The following LPCAT2 variants were observed in gnomAD, a reference collection of about 807,000 sequenced individuals.
LPCAT2 encodes the protein 1-AGP acyltransferase 11.
In LPCAT2, 58 loss-of-function variants were observed where a neutral mutation model predicts 64.7. That is an observed-to-expected ratio of 0.90 (90% confidence interval 0.73 to 1.12). The LOEUF is 1.12. LPCAT2 is among the 50% of genes most tolerant of loss of function. LPCAT2 has a pLI of 0.00. For missense variants in LPCAT2, 579 were observed against 669.8 expected (o/e 0.86, Z 1.50); for synonymous variants, 252 against 245.3 (o/e 1.03, Z -0.26).
chr16:55,536,082 T>C (rs1195463389), intron 7 of LPCAT2, among the ~76,000 whole-genome samples: 2 of 152,196 alleles, frequency 1.3e-5, no homozygotes, highest in Non-Finnish European at 2.9e-5. Context: ...GTTCAATCTA[T>C]TGCAAATCTC....
At chr16:55,521,996 A>G (rs1963103314) in intron 1 of LPCAT2, among the ~76,000 whole-genome samples, 1 of 142,830 alleles carries the variant, frequency 7.0e-6, no homozygotes, top group African/African-American at 2.5e-5. Context: ...TAGCCAGTGC[A>G]ATAAGATAAG....
At chr16:55,567,622 A>G (rs1343777296) in intron 11 of LPCAT2, 4 of 988,640 alleles carry the variant, frequency 4.0e-6, no homozygotes, top group African/African-American at 3.3e-5. Context: ...CTCTTTCACA[A>G]CCCTACATAT....
At chr16:55,549,461 C>A (rs982125523) in intron 10 of LPCAT2, 59 bp downstream of exon 10, 6 of 1,456,438 alleles carry the variant, frequency 4.1e-6, no homozygotes, top group Non-Finnish European at 5.5e-6. Context: ...GATCTGAAAT[C>A]CTGTTTATTT....
At chr16:55,521,031 C>T (rs1034018712) in intron 1 of LPCAT2, among the ~76,000 whole-genome samples, 3 of 151,574 alleles carry the variant, frequency 2.0e-5, no homozygotes, top group Non-Finnish European at 4.4e-5. Context: ...AAACAAACCA[C>T]ATAGAAAATT....
At chr16:55,582,628 A>T (rs1283782388) in intron 13 of LPCAT2, among the ~76,000 whole-genome samples, 1 of 152,136 alleles carries the variant, frequency 6.6e-6, no homozygotes, top group Non-Finnish European at 1.5e-5. Context: ...GTTGCTGTGA[A>T]CATTCTCATA....
chr16:55,579,907 T>G (rs2142426145), intron 13 of LPCAT2, among the ~76,000 whole-genome samples: 1 of 152,334 alleles, frequency 6.6e-6, no homozygotes, highest in East Asian at 1.9e-4. Context: ...GTCTTTTCTC[T>G]TGATGGCTCA....
At chr16:55,548,201 A>C (rs1475450856) in intron 9 of LPCAT2, among the ~76,000 whole-genome samples, 1 of 152,224 alleles carries the variant, frequency 6.6e-6, no homozygotes. Flanking sequence ...AATTTAGTGA[A>C]GAGGAATGTT....
At chr16:55,522,351 T>C (rs1213192110) in intron 1 of LPCAT2, among the ~76,000 whole-genome samples, 2 of 151,738 alleles carry the variant, frequency 1.3e-5, no homozygotes, top group South Asian at 4.1e-4. Flanking sequence ...CATAGAGAGA[T>C]ATACCATGTT....
chr16:55,545,673 T>A, intron 8 of LPCAT2, 62 bp from the exon 9 acceptor site: 1 of 1,024,664 alleles, frequency 9.8e-7, no homozygotes, highest in South Asian at 1.4e-5. Flanking sequence ...TAAATTAATT[T>A]ACTTGGCATT....
chr16:55,579,229 G>A lies in LPCAT2; in HGVS notation c.1435G>A (p.Asp479Asn), dbSNP rs201486123. The A allele has an allele frequency of 6.2e-6, 10 of 1,612,590 alleles. No individual in the cohort carries two copies. The Admixed American group carries it at 1.7e-4, about 27-fold the overall frequency. ...SGLFKEIAQG[D>N]SISYEEFKSF... ...TCTCTTCAAGGAAATAGCCCAAGGG[G>A]ACTCAATTTCCTATGGTGAGTAGGC... Residue 479 changes from aspartate to asparagine, a missense_variant, in exon 13 of 14, where the codon GAC becomes AAC. Coordinates refer to ENST00000262134, the MANE Select transcript of LPCAT2 (RefSeq NM_017839.5).
chr16:55,567,412 T>C (rs574187072), intron 11 of LPCAT2: 1 of 1,613,854 alleles, frequency 6.2e-7, no homozygotes, highest in South Asian at 1.1e-5. Flanking sequence ...CTGGATGCCA[T>C]GTTTCGTGCC....
At chr16:55,514,208 A>G (rs1286527077) in intron 1 of LPCAT2, among the ~76,000 whole-genome samples, 1 of 152,132 alleles carries the variant, frequency 6.6e-6, no homozygotes, top group Non-Finnish European at 1.5e-5. Flanking sequence ...AGGAATCTAG[A>G]AGGCTGTCCA....
chr16:55,526,533 T>A (rs1268046683), intron 2 of LPCAT2, among the ~76,000 whole-genome samples: 1 of 152,228 alleles, frequency 6.6e-6, no homozygotes, highest in Non-Finnish European at 1.5e-5. Flanking sequence ...AATACATAGT[T>A]TGCTGTTCAG....
chr16:55,538,184 A>C (rs1415069534), intron 8 of LPCAT2: 1 of 152,800 alleles, frequency 6.5e-6, no homozygotes, highest in African/African-American at 2.4e-5. Context: ...ACATTCTGAA[A>C]ATTTTGACCA....
In LPCAT2 at chr16:55,525,508, A is replaced by G. The variant is rs778716255; in HGVS notation, c.172A>G (p.Ile58Val). 13 of 1,601,644 alleles carry G rather than the reference A, an allele frequency of 8.1e-6. No individual in the cohort carries two copies. In the South Asian group the frequency reaches 1.1e-4, roughly 14 times the overall value. Reference protein sequence around the residue: ...TQIGSARRVQIVLLGIILLPI... With the variant: ...TQIGSARRVQVVLLGIILLPI... ...TATTTTTACCAACTTTGACTTTCAG[A>G]TTGTCCTTCTTGGGATTATCTTGCT... is the stretch of plus-strand genomic sequence containing the variant. Residue 58 changes from isoleucine to valine, a missense_variant and splice_region_variant, in exon 2 of 14, where the codon ATT (isoleucine) becomes GTT (valine). Transcript: ENST00000262134.
intron 8 of LPCAT2, among the ~76,000 whole-genome samples, chr16:55,544,354 A>T (rs774528762): frequency 5.9e-5 from 9 of 152,170 alleles, no homozygotes; most frequent in Admixed American, 1.3e-4. Context: ...CCTAATATAA[A>T]ATACCCAGCA....
intron 11 of LPCAT2, 23 bp from the exon 12 acceptor site, chr16:55,574,608 T>A: frequency 6.5e-7 from 1 of 1,541,802 alleles, no homozygotes; most frequent in Non-Finnish European, 9.0e-7. Flanking sequence ...CCCTCCTAAT[T>A]GATTTATCCC....
In LPCAT2 at chr16:55,509,130, G is replaced by A; in HGVS notation, c.-52G>A. 7.7e-7 allele frequency: 1 copy of A among 1,295,930 alleles called. No homozygotes were observed. 80.3% of individuals were successfully genotyped at this position (1,295,930 alleles called of 1,614,324 possible). ...CTAGTAGGTCTTCGGCTCAGTTTTG[G>A]CTGCAGCGCCCGCGTAGATCGCTTC... On this transcript the variant is annotated 5_prime_UTR_variant, in exon 1 of 14. Coordinates refer to ENST00000262134, the MANE Select transcript of LPCAT2 (RefSeq NM_017839.5).
At chr16:55,581,605 A>G (rs1175336375) in intron 13 of LPCAT2, among the ~76,000 whole-genome samples, 1 of 152,192 alleles carries the variant, frequency 6.6e-6, no homozygotes, top group Non-Finnish European at 1.5e-5. Flanking sequence ...CTAATGTGTC[A>G]TGAAGCAGAC....
Sources: allele counts gnomAD v4.1 joint callset (sites outside exome capture counted in the v4.1 genomes callset), GRCh38; gene constraint gnomAD v4.1.1; transcripts MANE v1.5; gene names NCBI Gene and HGNC (gene_info 2026-07-23, HGNC 2026-07-21).